Variants in DNAAF9 observed in about 807,000 individuals in gnomAD.
DNAAF9 encodes dynein axonemal assembly factor 9.
In DNAAF9, 90 loss-of-function variants were observed where a neutral mutation model predicts 167.0. That is an observed-to-expected ratio of 0.54 (90% CI 0.45 to 0.64). The LOEUF (loss-of-function observed/expected upper bound fraction) is 0.64. Among genes scored for constraint, DNAAF9 ranks in the 30% least tolerant of loss-of-function variants. The pLI is 0.00. For missense variants in DNAAF9, 1,315 were observed against 1,442.2 expected (o/e 0.91, Z 1.43); for synonymous variants, 491 against 508.8 (o/e 0.96, Z 0.47).
intron 10 of DNAAF9, among the ~76,000 whole-genome samples, chr20:3,337,443 T>TTTG (rs1445321894): frequency 4.0e-5 from 6 of 150,354 alleles, no homozygotes; most frequent in Non-Finnish European, 7.4e-5. Context: ...TTTTTTTGTT[T>TTTG]TTTTTTTTTT....
At chr20:3,342,721 C>T (rs2070110938) in intron 9 of DNAAF9, among the ~76,000 whole-genome samples, 1 of 152,068 alleles carries the variant, frequency 6.6e-6, no homozygotes, top group Non-Finnish European at 1.5e-5. Flanking sequence ...ACTCTGAGTC[C>T]TAGCCAGGGT....
intron 8 of DNAAF9, among the ~76,000 whole-genome samples, chr20:3,344,627 ACACACACACAC>A (rs1327500595): frequency 8.0e-6 from 1 of 124,364 alleles, no homozygotes; most frequent in Non-Finnish European, 1.7e-5. Flanking sequence ...ACACACACAC[ACACACACACAC>A]ACCTCATGTA....
In DNAAF9 at chr20:3,293,292, CAAAAAAAAAAAAA is replaced by C. The variant is rs1172725572; in HGVS notation, c.2238+834_2238+846del. 9.0e-3 allele frequency among the ~76,000 whole-genome samples: 206 copies of C among 22,880 alleles called. 3 individuals are homozygous for C. The highest frequency in any genetic ancestry group is 0.032 in the African/African-American group (185 of 5,770). The allele number at this position is 22,880 out of a possible 152,430, so 15.0% of individuals were successfully genotyped here. On this transcript the variant is annotated intron_variant, in intron 25 of 36. Coordinates refer to ENST00000252032, the MANE Select transcript of DNAAF9 (RefSeq NM_001009984.3). ...TGGGCAACAGAGGGAGACTCCGTCT[CAAAAAAAAAAAAA>C]AAAAAAAAAAAAAAGAGACTTATGG...
Position 3,356,614 on chromosome 20 carries a change from G to C in DNAAF9, c.690+2902C>G, listed in dbSNP as rs139904439. 1.6e-4 allele frequency among the ~76,000 whole-genome samples: 24 copies of C among 151,396 alleles called. No homozygotes were observed. The East Asian group carries it at 4.7e-3, about 29-fold the overall frequency. On this transcript the variant is annotated intron_variant, in intron 7 of 36. Transcript: ENST00000252032. ...GCTTTTTCCCTTTTTTTTCTTGTTA[G>C]ATTAGTTTATTAGTGAGGTTATTGC... is the stretch of plus-strand genomic sequence containing the variant.
intron 20 of DNAAF9, among the ~76,000 whole-genome samples, chr20:3,310,687 G>GA (rs111936667): frequency 0.27 from 35,143 of 132,154 alleles, 4,496 homozygotes; most frequent in African/African-American, 0.36. Flanking sequence ...TTAGTCTCAA[G>GA]AAAAAAAAAA....
intron 29 of DNAAF9, among the ~76,000 whole-genome samples, chr20:3,278,096 A>G (rs1290642767): frequency 2.0e-5 from 3 of 152,208 alleles, no homozygotes; most frequent in Non-Finnish European, 4.4e-5. Flanking sequence ...TGGACCTCCA[A>G]ACATCACAGA....
At chr20:3,287,232 G>C (rs1051623472) in intron 27 of DNAAF9, among the ~76,000 whole-genome samples, 1 of 152,180 alleles carries the variant, frequency 6.6e-6, no homozygotes, top group African/African-American at 2.4e-5. Context: ...TCCAGGGCAT[G>C]GTGAAGCTGG....
intron 27 of DNAAF9, among the ~76,000 whole-genome samples, chr20:3,286,164 C>T (rs1353267979): frequency 2.6e-5 from 4 of 152,024 alleles, no homozygotes; most frequent in South Asian, 4.2e-4. Flanking sequence ...GTAAGAACAG[C>T]GTCTTAGTGA....
chr20:3,336,374 T>A (rs1372520110), intron 10 of DNAAF9, among the ~76,000 whole-genome samples: 2 of 151,024 alleles, frequency 1.3e-5, no homozygotes, highest in East Asian at 3.9e-4. Context: ...AATATTTGGA[T>A]TTTTTGTGAG....
At chr20:3,318,453 G>A in intron 16 of DNAAF9, 53 bp from the exon 17 acceptor site, 3 of 879,438 alleles carry the variant, frequency 3.4e-6, no homozygotes, top group Middle Eastern at 4.4e-4. Context: ...AACTTTCAGA[G>A]AAGTCCATAA....
intron 7 of DNAAF9, among the ~76,000 whole-genome samples, chr20:3,352,519 TCA>T (rs10579856): frequency 0.38 from 57,963 of 151,906 alleles, 11,385 homozygotes; most frequent in Middle Eastern, 0.54. Flanking sequence ...TGGCTGTCAT[TCA>T]CATTCCAGCA....
chr20:3,360,634 G>C (rs2083349699), intron 6 of DNAAF9, among the ~76,000 whole-genome samples: 1 of 152,130 alleles, frequency 6.6e-6, no homozygotes, highest in Non-Finnish European at 1.5e-5. Flanking sequence ...TGCACACCGG[G>C]TTCTTTCTTA....
At chr20:3,266,091 C>T (rs1463375455) in intron 30 of DNAAF9, among the ~76,000 whole-genome samples, 4 of 152,150 alleles carry the variant, frequency 2.6e-5, no homozygotes, top group African/African-American at 9.7e-5. Flanking sequence ...TTTTGTGTCC[C>T]ACACTTGGAT....
At chr20:3,355,529 G>C (rs971039584) in intron 7 of DNAAF9, among the ~76,000 whole-genome samples, 2 of 138,298 alleles carry the variant, frequency 1.4e-5, no homozygotes, top group African/African-American at 5.3e-5. Context: ...AGCTGAGATT[G>C]TGCCACTGCA....
intron 6 of DNAAF9, among the ~76,000 whole-genome samples, chr20:3,370,344 G>A (rs1600873773): frequency 6.6e-6 from 1 of 152,136 alleles, no homozygotes; most frequent in Non-Finnish European, 1.5e-5. Context: ...GAGCTCCAGG[G>A]CTCAAGCTAT....
intron 31 of DNAAF9, among the ~76,000 whole-genome samples, chr20:3,263,280 T>C (rs2068427341): frequency 6.6e-6 from 1 of 152,190 alleles, no homozygotes. Context: ...GGCCAGATCA[T>C]TTTTTGTTAC....
intron 16 of DNAAF9, among the ~76,000 whole-genome samples, chr20:3,319,673 T>C (rs1361125736): frequency 2.6e-5 from 4 of 152,162 alleles, no homozygotes; most frequent in African/African-American, 9.7e-5. Context: ...AGACAAAAGA[T>C]CTGAGGCTCT....
At position 3,381,355 on chromosome 20, in the gene DNAAF9, CAG is replaced by C. The variant is rs765442837; in HGVS notation, c.283+22_283+23del. 1.6e-5 allele frequency: 25 copies of C among 1,575,128 alleles called. No homozygotes were observed. The African/African-American group carries it at 2.9e-4, about 18-fold the overall frequency. ...ATAAACCTCTTACTCTTCTATCACA[CAG>C]AGTTTACCAATATATACTTACCATC... is the stretch of plus-strand genomic sequence containing the variant. On this transcript the variant is annotated intron_variant, in intron 3 of 36. Coordinates refer to ENST00000252032, the MANE Select transcript of DNAAF9 (RefSeq NM_001009984.3).
Position 3,344,628 on chromosome 20 carries a change from CACACACACACA to C in DNAAF9, c.790-908_790-898del, listed in dbSNP as rs1215222820. ...ACACACACACACACACACACACACACACACACACACACCTCATGTAGTGAACTTAATAAATT... is the reference window on the plus strand; with the variant it reads ...ACACACACACACACACACACACACACCCTCATGTAGTGAACTTAATAAATT... On this transcript the variant is annotated intron_variant, in intron 8 of 36. Transcript: ENST00000252032. Among the ~76,000 whole-genome samples the C allele has an allele frequency of 2.2e-4, 28 of 126,108 alleles. 1 individual carries two copies. Among genetic ancestry groups the C allele is most frequent in the South Asian group, 1.4e-3 (6 of 4,210 alleles). The allele number at this position is 126,108 out of a possible 152,430, so 82.7% of individuals were successfully genotyped here.
Sources: allele counts gnomAD v4.1 joint callset (sites outside exome capture counted in the v4.1 genomes callset), GRCh38; gene constraint gnomAD v4.1.1; transcripts MANE v1.5; gene names NCBI Gene and HGNC (gene_info 2026-07-23, HGNC 2026-07-21).